FGD3: variants seen among roughly 807,000 people sequenced by gnomAD.
FGD3 encodes the protein FYVE, RhoGEF and PH domain containing 3, also known as FYVE, RhoGEF and PH domain-containing protein 3.
FGD3 carries 45 observed loss-of-function variants against 71.8 expected under a neutral mutation model. The ratio of observed to expected loss-of-function variants is 0.63; its 90% CI spans 0.49 to 0.80. The LOEUF (loss-of-function observed/expected upper bound fraction) is 0.80. Ranked by LOEUF, FGD3 falls within the 30% of genes least tolerant of loss-of-function variation. The pLI is 0.00. For synonymous variants in FGD3, 378 were observed against 392.8 expected, an observed-to-expected ratio of 0.96 and a Z score of 0.44; for missense variants, 844 against 951.5, an observed-to-expected ratio of 0.89 and a Z score of 1.49.
At chr9:92,981,603 CTGTT>C (rs1307506006) in intron 3 of FGD3, among the ~76,000 whole-genome samples, 5 of 151,992 alleles carry the variant, frequency 3.3e-5, no homozygotes, top group Non-Finnish European at 5.9e-5. Flanking sequence ...GATCTTCTGT[CTGTT>C]TATTTTATTG....
intron 1 of FGD3, chr9:92,964,257 G>C (rs1859234571): frequency 6.6e-6 from 1 of 152,238 alleles, no homozygotes; most frequent in African/African-American, 2.4e-5. Context: ...CCATCATGTT[G>C]TGACCCATAT....
chr9:92,978,018 C>A (rs545505312), intron 3 of FGD3, among the ~76,000 whole-genome samples: 1 of 152,180 alleles, frequency 6.6e-6, no homozygotes, highest in African/African-American at 2.4e-5. Flanking sequence ...CGCGGTGGCT[C>A]ACGCCTATAA....
At chr9:93,006,611 C>T (rs1861065047) in intron 6 of FGD3, among the ~76,000 whole-genome samples, 1 of 152,162 alleles carries the variant, frequency 6.6e-6, no homozygotes, top group African/African-American at 2.4e-5. Context: ...TCTCTTGTCT[C>T]CTATAGGGCT....
At chr9:93,015,669 G>T in intron 9 of FGD3, 68 bp from the exon 10 acceptor site, 3 of 1,137,888 alleles carry the variant, frequency 2.6e-6, no homozygotes, top group Non-Finnish European at 4.0e-6. Context: ...CATGTGAGAA[G>T]CTCACTGGGG....
chr9:93,002,837 G>A, intron 3 of FGD3, 88 bp from the exon 4 acceptor site: 1 of 1,353,046 alleles, frequency 7.4e-7, no homozygotes, highest in Admixed American at 1.7e-5. Flanking sequence ...TGTGGCCCCT[G>A]GTTCTCCTGC....
rs548833035 is a variant in FGD3, at chr9:92,979,633, G to A, written c.453+2924G>A. Among the ~76,000 whole-genome samples the A allele has an allele frequency of 3.3e-5, 5 of 152,328 alleles. No homozygotes were observed. In the South Asian group the frequency reaches 6.2e-4, roughly 19 times the overall value. ...GCTGGCCTTATTGAATGAGCTGGAA[G>A]TATGCCCTCCTCTTCAATTGTTTTG... On this transcript the variant is annotated intron_variant, in intron 3 of 17. Transcript: ENST00000375482.
intron 6 of FGD3, among the ~76,000 whole-genome samples, chr9:93,009,998 A>G (rs1861244008): frequency 6.6e-6 from 1 of 152,238 alleles, no homozygotes; most frequent in African/African-American, 2.4e-5. Context: ...GGATGCGTAT[A>G]AGAGAGCCAG....
At chr9:92,948,857 G>A (rs188079071) in intron 1 of FGD3, among the ~76,000 whole-genome samples, 59 of 152,272 alleles carry the variant, frequency 3.9e-4, no homozygotes, top group African/African-American at 1.3e-3. Context: ...TCTCTGTGTT[G>A]TGCCCAGGGT....
chr9:93,022,558 C>A (rs1017428774), intron 14 of FGD3, among the ~76,000 whole-genome samples, 169 bp downstream of exon 14: 1 of 152,008 alleles, frequency 6.6e-6, no homozygotes, highest in Non-Finnish European at 1.5e-5. Context: ...CCTGGGTGTG[C>A]GGAGGTGAAG....
chr9:93,016,364 G>T (rs1861689784), intron 10 of FGD3, among the ~76,000 whole-genome samples: 1 of 79,410 alleles, frequency 1.3e-5, no homozygotes, highest in South Asian at 3.4e-4. Context: ...TTTTGAGACG[G>T]AGTCTCGCTG....
At chr9:93,034,365 C>T (rs1862501211) in intron 16 of FGD3, 176 bp from the exon 17 acceptor site, 2 of 767,302 alleles carry the variant, frequency 2.6e-6, no homozygotes, top group Admixed American at 6.1e-5. Context: ...GTCCTGCAGG[C>T]TTCTAGTGAC....
At position 93,032,649 on chromosome 9, in the gene FGD3, A is replaced by G. The variant is rs1862398217; in HGVS notation, c.1681-120A>G. 1.1e-5 allele frequency: 10 copies of G among 910,492 alleles called. No homozygotes were observed. The South Asian group carries it at 1.3e-4, about 12-fold the overall frequency. 56.4% of individuals were successfully genotyped at this position (910,492 alleles called of 1,614,324 possible). A position where few individuals can be genotyped will look rare whatever the true frequency, so the allele number is the denominator to read the frequency against. ...AAGCTCTTATCCCTCGCCACACGCC[A>G]CACTGTGTTAAGTCTCCTCCCGCCC... On this transcript the variant is annotated intron_variant, in intron 15 of 17. Transcript: ENST00000375482.
At chr9:93,017,954 G>A (rs1295103732) in intron 10 of FGD3, among the ~76,000 whole-genome samples, 182 bp from the exon 11 acceptor site, 1 of 152,188 alleles carries the variant, frequency 6.6e-6, no homozygotes, top group Non-Finnish European at 1.5e-5. Flanking sequence ...TGTCCCTGAT[G>A]GACCAGCTCA....
At chr9:92,963,716 T>G (rs1041169344) in intron 1 of FGD3, among the ~76,000 whole-genome samples, 1 of 152,214 alleles carries the variant, frequency 6.6e-6, no homozygotes, top group African/African-American at 2.4e-5. Flanking sequence ...ATTGATTCTC[T>G]CCCTAAAACA....
intron 1 of FGD3, among the ~76,000 whole-genome samples, chr9:92,948,854 G>C (rs1858902273): frequency 6.6e-6 from 1 of 152,204 alleles, no homozygotes. Flanking sequence ...CCTTCTCTGT[G>C]TTGTGCCCAG....
At chr9:92,961,685 A>G (rs1859170028) in intron 1 of FGD3, among the ~76,000 whole-genome samples, 2 of 152,176 alleles carry the variant, frequency 1.3e-5, no homozygotes, top group Admixed American at 6.5e-5. Context: ...TCATGAGGCT[A>G]CAGATGGTGG....
At chr9:92,990,773 T>C (rs918723968) in intron 3 of FGD3, among the ~76,000 whole-genome samples, 1 of 152,222 alleles carries the variant, frequency 6.6e-6, no homozygotes, top group Non-Finnish European at 1.5e-5. Context: ...TAAATCCCAC[T>C]CGATTGTGGT....
intron 3 of FGD3, among the ~76,000 whole-genome samples, chr9:92,998,805 A>T (rs1328294698): frequency 6.6e-6 from 1 of 152,214 alleles, no homozygotes; most frequent in East Asian, 1.9e-4. Context: ...CAGAACAGCA[A>T]ATGTTGCTGT....
intron 6 of FGD3, among the ~76,000 whole-genome samples, chr9:93,007,251 C>T (rs567767000): frequency 2.5e-4 from 38 of 151,800 alleles, no homozygotes; most frequent in African/African-American, 6.0e-4. Flanking sequence ...CCACCACGCC[C>T]GGCTAATTTT....
Sources: allele counts gnomAD v4.1 joint callset (sites outside exome capture counted in the v4.1 genomes callset), GRCh38; gene constraint gnomAD v4.1.1; transcripts MANE v1.5; gene names NCBI Gene and HGNC (gene_info 2026-07-23, HGNC 2026-07-21).